Variants in CRACD observed in about 807,000 individuals in gnomAD.
CRACD encodes the protein capping protein-inhibiting regulator of actin dynamics.
Under a neutral mutation model 106.8 loss-of-function variants are expected in CRACD, and 56 were observed. The ratio of observed to expected loss-of-function variants is 0.52; its 90% CI spans 0.42 to 0.66. The LOEUF is 0.66. Ranked by LOEUF, CRACD falls within the 30% of genes least tolerant of loss-of-function variation. CRACD has a pLI of 0.00. For synonymous variants in CRACD, 754 were observed against 670.8 expected (o/e 1.12, Z -1.92); for missense variants, 1,730 against 1,623.2 (o/e 1.07, Z -1.13).
chr4:56,155,214 A>G (rs1396979185), intron 1 of CRACD, among the ~76,000 whole-genome samples: 1 of 152,114 alleles, frequency 6.6e-6, no homozygotes, highest in Non-Finnish European at 1.5e-5. Context: ...CCTATTTGGG[A>G]CATACTATGC....
intron 1 of CRACD, among the ~76,000 whole-genome samples, chr4:56,120,635 CT>C (rs1734454250): frequency 2.0e-5 from 3 of 152,076 alleles, no homozygotes; most frequent in Admixed American, 2.0e-4. Context: ...ATCAAGTGTC[CT>C]TTCAACTCTG....
rs753641219 is a variant in CRACD at position 56,314,205 on chromosome 4, T to C, written c.703T>C (p.Cys235Arg). The C allele has an allele frequency of 1.9e-6, 3 of 1,610,750 alleles. No homozygotes were observed. Among genetic ancestry groups the C allele is most frequent in the Non-Finnish European group, 2.5e-6 (3 of 1,178,518 alleles). Residue 235 changes from cysteine to arginine, a missense_variant, in exon 8 of 11, where the codon TGC (cysteine) becomes CGC (arginine). Coordinates refer to ENST00000682029, the MANE Select transcript of CRACD (RefSeq NM_001393381.1). This position sits in a 1 kb window ranked among gnomAD's most constrained non-coding sequence, Gnocchi z 4.4. ...CTACTGGCGAGAACTGGAGGCCAAG[T>C]GCAAGCGGCAAAAGGCGGAAGCAGC... Reference protein sequence around the residue: ...EDYWRELEAKCKRQKAEAAEK... With the variant: ...EDYWRELEAKRKRQKAEAAEK...
intron 3 of CRACD, among the ~76,000 whole-genome samples, chr4:56,283,764 C>A (rs1577854697): frequency 6.6e-6 from 1 of 152,196 alleles, no homozygotes; most frequent in South Asian, 2.1e-4. Flanking sequence ...TGAGCCTCAA[C>A]TGTACTTCTA....
At chr4:56,095,846 G>C (rs963263330) in intron 1 of CRACD, among the ~76,000 whole-genome samples, 6 of 152,212 alleles carry the variant, frequency 3.9e-5, no homozygotes, top group African/African-American at 1.4e-4. Context: ...ATCCAGCTGA[G>C]GCTCATCCAG....
rs554738586 is a variant in CRACD, at chr4:56,162,963, T to G, written c.-335-16321T>G. Among the ~76,000 whole-genome samples the G allele has an allele frequency of 4.6e-5, 7 of 152,268 alleles. No homozygotes were observed. The South Asian group carries it at 1.2e-3, about 27-fold the overall frequency. On this transcript the variant is annotated intron_variant, in intron 1 of 10. Transcript: ENST00000682029. ...TTCTGCTGTTGCAGAGGAAAAGCAG[T>G]GTAGACATTACTTTAATGAATGGGC...
chr4:56,146,901 G>C (rs1244516124), intron 1 of CRACD, among the ~76,000 whole-genome samples: 12 of 152,162 alleles, frequency 7.9e-5, no homozygotes, highest in Admixed American at 5.9e-4. Context: ...GCTAGCAGAT[G>C]GGAGAATGGC....
chr4:56,084,662 A>G (rs1380229497), intron 1 of CRACD, among the ~76,000 whole-genome samples: 2 of 152,224 alleles, frequency 1.3e-5, no homozygotes, highest in East Asian at 3.8e-4. Context: ...GTTATGATTT[A>G]TAAAGACAGA....
At position 56,329,733 on chromosome 4, in the gene CRACD, C is replaced by T. The variant is rs1365273805; in HGVS notation, c.*1929C>T. Among the ~76,000 whole-genome samples, 1 of 152,162 alleles carries T rather than the reference C, an allele frequency of 6.6e-6. No individual in the cohort carries two copies. Among genetic ancestry groups the T allele is most frequent in the Admixed American group, 6.5e-5 (1 of 15,272 alleles). ...ACACTTTTTAATGGGAATCTTTCCA[C>T]CTACAGCCCTGGAATGATAATGCTA... On this transcript the variant is annotated 3_prime_UTR_variant, in exon 11 of 11. Coordinates refer to ENST00000682029, the MANE Select transcript of CRACD (RefSeq NM_001393381.1).
At position 56,315,961 on chromosome 4, in the gene CRACD, C is replaced by T. The variant is rs759567560; in HGVS notation, c.2459C>T (p.Ser820Leu). Residue 820 changes from serine (S) to leucine (L), a missense_variant, in exon 8 of 11, where the codon TCG becomes TTG. This residue lies in a region of CRACD where 1,620 missense variants were observed against 1,481.6 expected (regional missense o/e 1.09). Transcript: ENST00000682029. This position sits in a 1 kb window ranked among gnomAD's most constrained non-coding sequence, Gnocchi z 4.1. ...VVAHTEFTTS[S>L]DSETANGIAK... Reference sequence around the variant, plus strand: ...GCCCACACAGAGTTCACGACCTCGTCGGACAGCGAGACTGCAAACGGGATA... The same window carrying T: ...GCCCACACAGAGTTCACGACCTCGTTGGACAGCGAGACTGCAAACGGGATA... 2 of 1,614,110 alleles carry T rather than the reference C, an allele frequency of 1.2e-6. No individual in the cohort carries two copies. Among genetic ancestry groups the T allele is most frequent in the Non-Finnish European group, 1.7e-6 (2 of 1,180,054 alleles).
At chr4:56,200,676 A>T (rs1229551138) in intron 2 of CRACD, among the ~76,000 whole-genome samples, 2 of 152,208 alleles carry the variant, frequency 1.3e-5, no homozygotes, top group Admixed American at 1.3e-4. Context: ...CAAAGAATAC[A>T]CTGTAGTATT....
intron 2 of CRACD, among the ~76,000 whole-genome samples, chr4:56,225,623 G>A (rs1443211681): frequency 6.6e-6 from 1 of 151,912 alleles, no homozygotes; most frequent in Non-Finnish European, 1.5e-5. Context: ...AGTCTTAGGG[G>A]TGCCTAAAAT....
chr4:56,270,970 T>A (rs1179258908), intron 2 of CRACD, among the ~76,000 whole-genome samples: 1 of 151,530 alleles, frequency 6.6e-6, no homozygotes, highest in East Asian at 1.9e-4. Context: ...CCAGGCGTGG[T>A]GGCAGGCGCC....
At chr4:56,232,348 C>T (rs903793756) in intron 2 of CRACD, among the ~76,000 whole-genome samples, 3 of 152,244 alleles carry the variant, frequency 2.0e-5, no homozygotes, top group East Asian at 1.9e-4. Flanking sequence ...TCCTTTTTAT[C>T]GCCAAGTAGT....
At chr4:56,301,308 GACA>G (rs1744354246) in intron 4 of CRACD, 1 of 1,143,424 alleles carries the variant, frequency 8.7e-7, no homozygotes, top group South Asian at 1.3e-5. Flanking sequence ...ATTTTTCCAT[GACA>G]ACGTGATGCT....
At chr4:56,179,827 G>A (rs1057230986) in intron 2 of CRACD, among the ~76,000 whole-genome samples, 1 of 152,014 alleles carries the variant, frequency 6.6e-6, no homozygotes, top group Non-Finnish European at 1.5e-5. Context: ...AGACCAGGCT[G>A]GCTGACATGC....
At chr4:56,108,726 G>A (rs1368251423) in intron 1 of CRACD, among the ~76,000 whole-genome samples, 7 of 152,160 alleles carry the variant, frequency 4.6e-5, no homozygotes, top group African/African-American at 1.7e-4. Flanking sequence ...GGGACAGGGG[G>A]CCCTTCCCTT....
At chr4:56,052,050 A>G (rs1266490129) in intron 1 of CRACD, among the ~76,000 whole-genome samples, 1 of 152,120 alleles carries the variant, frequency 6.6e-6, no homozygotes, top group Non-Finnish European at 1.5e-5. Flanking sequence ...TGGCTTTTAA[A>G]CTTTTTAATT....
At chr4:56,144,163 G>A (rs950587815) in intron 1 of CRACD, among the ~76,000 whole-genome samples, 1 of 152,130 alleles carries the variant, frequency 6.6e-6, no homozygotes, top group Non-Finnish European at 1.5e-5. Context: ...TCTGAGCAAA[G>A]GAAAAATGTT....
chr4:56,290,809 A>C (rs1317438875), intron 3 of CRACD, among the ~76,000 whole-genome samples: 2 of 152,146 alleles, frequency 1.3e-5, no homozygotes, highest in Non-Finnish European at 2.9e-5. Flanking sequence ...GGGACCTCCA[A>C]TCCAAAGGGA....
Sources: gnomAD v4.1 joint callset for allele counts (sites outside exome capture counted in the v4.1 genomes callset) on GRCh38, gnomAD v4.1.1 for gene constraint, gnomAD v4.1.1 regional missense constraint, Gnocchi (gnomAD v3.1) non-coding constraint, MANE v1.5 for transcripts, NCBI Gene and HGNC (gene_info 2026-07-23, HGNC 2026-07-21) for gene names.